The following MS4A6E variants were observed in gnomAD, a reference collection of about 807,000 sequenced individuals.
The protein encoded by MS4A6E is membrane-spanning 4-domains subfamily A member 6E.
A neutral mutation model predicts 13.2 loss-of-function variants in MS4A6E; 8 were observed. The ratio of observed to expected loss-of-function variants is 0.60; its 90% confidence interval spans 0.35 to 1.09. The LOEUF is 1.09. Ranked by LOEUF, MS4A6E falls within the 50% of genes least tolerant of loss-of-function variation. The pLI is 0.02. For missense variants in MS4A6E, 177 were observed against 171.1 expected, an observed-to-expected ratio of 1.03 and a Z score of -0.19; for synonymous variants, 72 against 67.6, an observed-to-expected ratio of 1.06 and a Z score of -0.32.
intron 1 of MS4A6E, among the ~76,000 whole-genome samples, chr11:60,330,575 G>A (rs188837235): frequency 1.1e-3 from 160 of 150,818 alleles, no homozygotes; most frequent in Admixed American, 2.4e-3. Context: ...ATCTGACCTC[G>A]TGATCCGCCC....
downstream of MS4A6E, among the ~76,000 whole-genome samples, chr11:60,342,177 GT>G (rs2085230507): frequency 3.4e-5 from 1 of 29,242 alleles, no homozygotes; most frequent in African/African-American, 1.0e-4. Flanking sequence ...GTGTGTGTGT[GT>G]GAGAGAGAGA....
intron 4 of MS4A6E, among the ~76,000 whole-genome samples, chr11:60,347,958 T>C (rs1479635140): frequency 6.6e-6 from 1 of 152,202 alleles, no homozygotes; most frequent in Non-Finnish European, 1.5e-5. Flanking sequence ...TTCTATATTT[T>C]GCTATTATGG....
At chr11:60,347,147 C>A (rs1036698244) in intron 4 of MS4A6E, among the ~76,000 whole-genome samples, 2 of 152,056 alleles carry the variant, frequency 1.3e-5, no homozygotes, top group African/African-American at 4.8e-5. Flanking sequence ...GTGGGGGTCC[C>A]AGATAAGGGA....
chr11:60,331,622 A>G (rs11230275), intron 1 of MS4A6E, among the ~76,000 whole-genome samples: 54,420 of 152,018 alleles, frequency 0.36, 10,258 homozygotes, highest in East Asian at 0.41. Flanking sequence ...CCAACTTTTC[A>G]TTGCATCACA....
intron 1 of MS4A6E, among the ~76,000 whole-genome samples, chr11:60,330,148 G>A (rs940396095): frequency 5.4e-5 from 8 of 149,314 alleles, no homozygotes; most frequent in African/African-American, 1.5e-4. Context: ...TTTTGATGGG[G>A]TTGTTTGTTT....
At chr11:60,336,842 T>C (rs1043929681) in intron 2 of MS4A6E, among the ~76,000 whole-genome samples, 12 of 152,204 alleles carry the variant, frequency 7.9e-5, no homozygotes, top group African/African-American at 2.9e-4. Context: ...TCAGTTCTCT[T>C]TTCTGTGTGA....
In MS4A6E at chr11:60,339,966, T is replaced by C. The variant is rs754989594; in HGVS notation, c.*9+2T>C. ...AAACAGACTGTCTGACTTCCCTGGG[T>C]GAGTGTGCTGGCCAGCCTCGCTTAA... On this transcript the variant is annotated splice_donor_variant, in intron 4 of 4. Coordinates refer to ENST00000684409, the MANE Select transcript of MS4A6E (RefSeq NM_139249.4). LOFTEE classifies it low-confidence loss of function (3UTR_SPLICE). 6.2e-7 allele frequency: 1 copy of C among 1,613,084 alleles called. No individual in the cohort carries two copies. The highest frequency in any genetic ancestry group is 8.5e-7 in the Non-Finnish European group (1 of 1,179,242).
At position 60,340,666 on chromosome 11, in the gene MS4A6E, A is replaced by G. The variant is rs139877993; in HGVS notation, c.*10-110A>G. 4.3e-3 allele frequency: 664 copies of G among 155,392 alleles called. 7 individuals are homozygous for G. The highest frequency in any genetic ancestry group is 0.015 in the African/African-American group (632 of 41,728). 9.6% of individuals were successfully genotyped at this position (155,392 alleles called of 1,614,324 possible). On this transcript the variant is annotated intron_variant, in intron 4 of 4. Transcript: ENST00000684409. ...TTGTCTTGGATTAGCTAAGAATTCT[A>G]TGTATACAGTTGGAAAAAATGGCAT... is the stretch of plus-strand genomic sequence containing the variant.
chr11:60,348,354 G>A (rs1220592704), intron 4 of MS4A6E, among the ~76,000 whole-genome samples: 1 of 152,118 alleles, frequency 6.6e-6, no homozygotes, highest in Admixed American at 6.5e-5. Context: ...CAGATGAAGG[G>A]TAGAAAGAGT....
At chr11:60,348,183 T>A (rs1012074181) in intron 4 of MS4A6E, among the ~76,000 whole-genome samples, 16 of 152,122 alleles carry the variant, frequency 1.1e-4, no homozygotes, top group African/African-American at 3.6e-4. Flanking sequence ...TTTTTTTCCA[T>A]TCACAGAAGG....
At chr11:60,333,942 G>A (rs2085172354) in intron 1 of MS4A6E, among the ~76,000 whole-genome samples, 1 of 152,186 alleles carries the variant, frequency 6.6e-6, no homozygotes, top group Non-Finnish European at 1.5e-5. Context: ...ATCAAAATGA[G>A]TAGAAAAAGT....
At chr11:60,329,164 C>T (rs1418222754) in intron 1 of MS4A6E, among the ~76,000 whole-genome samples, 1 of 147,038 alleles carries the variant, frequency 6.8e-6, no homozygotes, top group Non-Finnish European at 1.5e-5. Context: ...CCCCGACAGG[C>T]CTTGGTGTGT....
intron 1 of MS4A6E, among the ~76,000 whole-genome samples, chr11:60,328,485 T>G (rs2085133734): frequency 6.6e-6 from 1 of 151,672 alleles, no homozygotes; most frequent in Non-Finnish European, 1.5e-5. Context: ...AGGTGCCAAG[T>G]GCTAAGTTTT....
intron 1 of MS4A6E, among the ~76,000 whole-genome samples, chr11:60,331,600 T>G (rs929197174): frequency 6.6e-6 from 1 of 151,776 alleles, no homozygotes; most frequent in South Asian, 2.1e-4. Context: ...ACAACATAGA[T>G]GATGTGACTT....
At chr11:60,346,892 GCATAA>G (rs1218182011) in intron 4 of MS4A6E, among the ~76,000 whole-genome samples, 2 of 152,192 alleles carry the variant, frequency 1.3e-5, no homozygotes, top group Non-Finnish European at 2.9e-5. Context: ...CTTAGAAGCA[GCATAA>G]CATCCCTCCA....
rs35452287 is a variant in MS4A6E, at chr11:60,329,824, CTTTTT to C, written c.-15+2431_-15+2435del. Among the ~76,000 whole-genome samples the C allele has an allele frequency of 7.4e-3, 1,005 of 135,136 alleles. 5 individuals are homozygous for C. Among genetic ancestry groups the C allele is most frequent in the Non-Finnish European group, 0.013 (806 of 63,484 alleles). The allele number at this position is 135,136 out of a possible 152,430, so 88.7% of individuals were successfully genotyped here. A position where few individuals can be genotyped will look rare whatever the true frequency, so the allele number is the denominator to read the frequency against. On this transcript the variant is annotated intron_variant, in intron 1 of 4. Transcript: ENST00000684409. ...ATTGTCTGTTCATATCCTTCACCCA[CTTTTT>C]TTTTTTTTTTTTTTGAGATAGAATA... is the stretch of plus-strand genomic sequence containing the variant.
intron 1 of MS4A6E, among the ~76,000 whole-genome samples, chr11:60,334,088 C>A (rs138969030): frequency 4.7e-4 from 72 of 152,310 alleles, no homozygotes; most frequent in Non-Finnish European, 9.0e-4. Flanking sequence ...GGGTTTCCAG[C>A]GGGGTTGCCC....
rs76154893 is a variant in MS4A6E at position 60,337,697 on chromosome 11, C to T, written c.148-44C>T. ...ATGGCAAAAAGGGATAAGAGAGATTCGTGGCCCTTTGGGAATGATTCTTAC... is the reference window on the plus strand; with the variant it reads ...ATGGCAAAAAGGGATAAGAGAGATTTGTGGCCCTTTGGGAATGATTCTTAC... On this transcript the variant is annotated intron_variant, in intron 2 of 4. Transcript: ENST00000684409. 1.5e-3 allele frequency: 2,401 copies of T among 1,607,530 alleles called. 27 individuals are homozygous for T. The African/African-American group carries it at 0.027, about 18-fold the overall frequency.
intron 4 of MS4A6E, among the ~76,000 whole-genome samples, chr11:60,347,916 C>A (rs2085263238): frequency 6.6e-6 from 1 of 152,198 alleles, no homozygotes; most frequent in African/African-American, 2.4e-5. Context: ...TTGGGCAAGA[C>A]TGCTTTAATG....
Sources: gnomAD v4.1 joint callset for allele counts (sites outside exome capture counted in the v4.1 genomes callset) on GRCh38, gnomAD v4.1.1 for gene constraint, MANE v1.5 for transcripts, NCBI Gene and HGNC (gene_info 2026-07-23, HGNC 2026-07-21) for gene names.